IQCH: variants seen among roughly 807,000 people sequenced by gnomAD.
IQCH encodes IQ motif containing H, also known as IQ domain-containing protein H.
A neutral mutation model predicts 117.0 loss-of-function variants in IQCH; 98 were observed. The ratio of observed to expected loss-of-function variants is 0.84; its 90% CI spans 0.71 to 0.99. The LOEUF (loss-of-function observed/expected upper bound fraction) is 0.99, where lower values mean the gene tolerates loss of function less well. IQCH is among the 50% of genes least tolerant of loss of function. IQCH has a pLI of 0.00. For synonymous variants in IQCH, 412 were observed against 448.2 expected, an observed-to-expected ratio of 0.92 and a Z score of 1.02; for missense variants, 1,102 against 1,243.8, an observed-to-expected ratio of 0.89 and a Z score of 1.72.
intron 5 of IQCH, among the ~76,000 whole-genome samples, chr15:67,341,369 A>G (rs1457169834): frequency 1.3e-5 from 2 of 152,236 alleles, no homozygotes; most frequent in African/African-American, 4.8e-5. Context: ...AACAAACTGT[A>G]TTCTCTATAA....
At position 67,433,417 on chromosome 15, in the gene IQCH, C is replaced by A. The variant is rs1419915241; in HGVS notation, c.2505+11840C>A. Among the ~76,000 whole-genome samples the A allele has an allele frequency of 2.0e-5, 3 of 152,142 alleles. No homozygotes were observed. In the East Asian group the frequency reaches 5.8e-4, roughly 29 times the overall value. On this transcript the variant is annotated intron_variant, in intron 16 of 20. Transcript: ENST00000335894. This position sits in a 1 kb window ranked among gnomAD's most constrained non-coding sequence, Gnocchi z 5.4. ...TGACTGTCCTTAAATGTTTGGTTAA[C>A]CCCCCTTACACTGTAAACCTTCACA... is the stretch of plus-strand genomic sequence containing the variant.
intron 4 of IQCH, among the ~76,000 whole-genome samples, chr15:67,314,119 C>T (rs1254826053): frequency 6.6e-6 from 1 of 152,090 alleles, no homozygotes; most frequent in African/African-American, 2.4e-5. Flanking sequence ...TGCTGTATGC[C>T]CCACTACTAC....
rs1309566156 is a variant in IQCH at position 67,456,536 on chromosome 15, T to C, written c.2506-8591T>C. 2.0e-5 allele frequency among the ~76,000 whole-genome samples: 3 copies of C among 152,196 alleles called. No individual in the cohort carries two copies. The East Asian group carries it at 5.8e-4, about 29-fold the overall frequency. On this transcript the variant is annotated intron_variant, in intron 16 of 20. Transcript: ENST00000335894. This position sits in a 1 kb window ranked among gnomAD's most constrained non-coding sequence, Gnocchi z 5.1. ...CCTAAGCCCTGAGTATTTTTAGTTT[T>C]AGAGATTCCATCCTACATCGTATCA...
rs143533687 is a variant in IQCH, at chr15:67,364,379, C to A, written c.753+4494C>A. ...CTATGCGTTTTCATCATTAAACTTT[C>A]CAAATGAATTGAAATTATATAGTTT... On this transcript the variant is annotated intron_variant, in intron 8 of 20. Coordinates refer to ENST00000335894, the MANE Select transcript of IQCH (RefSeq NM_001031715.3). The surrounding 1 kb of genome is among the most constrained non-coding windows in gnomAD (Gnocchi z 4.1). Among the ~76,000 whole-genome samples, 2 of 152,166 alleles carry A rather than the reference C, an allele frequency of 1.3e-5. No homozygotes were observed. The highest frequency in any genetic ancestry group is 4.8e-5 in the African/African-American group (2 of 41,504).
chr15:67,272,353 A>C (rs1965932474), intron 3 of IQCH, among the ~76,000 whole-genome samples: 1 of 152,182 alleles, frequency 6.6e-6, no homozygotes, highest in South Asian at 2.1e-4. Flanking sequence ...AATGTTCTCT[A>C]TTCTGGAGAA....
chr15:67,321,330 C>T (rs1968107389), intron 4 of IQCH, among the ~76,000 whole-genome samples: 1 of 152,002 alleles, frequency 6.6e-6, no homozygotes, highest in Non-Finnish European at 1.5e-5. Flanking sequence ...GTTCACAATC[C>T]CCCTTGTCAC....
chr15:67,372,124 A>G lies in IQCH; in HGVS notation c.767A>G (p.Lys256Arg), dbSNP rs775124649. Residue 256 changes from lysine to arginine, a missense_variant, in exon 9 of 21, where the codon AAA becomes AGA. By Grantham distance (26) the Lys-to-Arg change is conservative (BLOSUM62 2). Transcript: ENST00000335894. ...TTTTTTCCACAGGCCATGAAAGTCA[A>G]AACACCTTTGAGAGCCCTGAAATCA... ...GHHDRKAMKVKTPLRALKSLW... is the reference protein window; with the variant it reads ...GHHDRKAMKVRTPLRALKSLW... The G allele has an allele frequency of 1.9e-6, 3 of 1,602,584 alleles. No homozygotes were observed. The African/African-American group carries it at 4.1e-5, about 22-fold the overall frequency.
chr15:67,271,085 C>T (rs1308633104), intron 3 of IQCH, among the ~76,000 whole-genome samples: 2 of 152,202 alleles, frequency 1.3e-5, no homozygotes, highest in African/African-American at 4.8e-5. Context: ...TCTCCTGCCT[C>T]AGCCTCCCAA....
rs750409200 is a variant in IQCH, at chr15:67,465,180, A to G, written c.2559A>G (p.Gln853=). 7 of 1,613,958 alleles carry G rather than the reference A, an allele frequency of 4.3e-6. No individual in the cohort carries two copies. The South Asian group carries it at 4.4e-5, about 10-fold the overall frequency. The part of the protein sequence containing the change: ...LAYSDQLALT[Q]LTLYLTNGHL... ...ATAGTGACCAGCTGGCCCTGACTCAACTCACCTTATACCTGACAAACGGCC... is the reference window on the plus strand; with the variant it reads ...ATAGTGACCAGCTGGCCCTGACTCAGCTCACCTTATACCTGACAAACGGCC... The change falls in exon 17 of 21, where the codon CAA becomes CAG. Residue 853 remains glutamine, a synonymous_variant. Coordinates refer to ENST00000335894, the MANE Select transcript of IQCH (RefSeq NM_001031715.3). This position sits in a 1 kb window ranked among gnomAD's most constrained non-coding sequence, Gnocchi z 5.9.
intron 8 of IQCH, among the ~76,000 whole-genome samples, chr15:67,362,788 C>T (rs1970190504): frequency 6.6e-6 from 1 of 152,196 alleles, no homozygotes; most frequent in South Asian, 2.1e-4. Flanking sequence ...TCTATTTTAC[C>T]TCTTTGCTAT....
chr15:67,455,866 C>A (rs1388323698), intron 16 of IQCH, among the ~76,000 whole-genome samples: 2 of 152,158 alleles, frequency 1.3e-5, no homozygotes, highest in African/African-American at 2.4e-5. Flanking sequence ...GGCGCATATA[C>A]AATTACTAGT....
chr15:67,449,239 T>C (rs925933902), intron 16 of IQCH, among the ~76,000 whole-genome samples: 1 of 152,220 alleles, frequency 6.6e-6, no homozygotes, highest in African/African-American at 2.4e-5. Context: ...TTAGATCCCA[T>C]TTGTCAATTT....
Position 67,426,079 on chromosome 15 carries a change from C to A in IQCH, c.2505+4502C>A, listed in dbSNP as rs1425301346. Among the ~76,000 whole-genome samples, 1 of 152,158 alleles carries A rather than the reference C, an allele frequency of 6.6e-6. No homozygotes were observed. Among genetic ancestry groups the A allele is most frequent in the African/African-American group, 2.4e-5 (1 of 41,412 alleles). ...TTCTGACACAATAAGATGTTCCAGGCTCATTTTCTATTTTCCTTGCCCTGG... is the reference window on the plus strand; with the variant it reads ...TTCTGACACAATAAGATGTTCCAGGATCATTTTCTATTTTCCTTGCCCTGG... On this transcript the variant is annotated intron_variant, in intron 16 of 20. Coordinates refer to ENST00000335894, the MANE Select transcript of IQCH (RefSeq NM_001031715.3). This position sits in a 1 kb window ranked among gnomAD's most constrained non-coding sequence, Gnocchi z 5.1.
At chr15:67,332,823 A>G (rs1343545130) in intron 4 of IQCH, among the ~76,000 whole-genome samples, 1 of 152,254 alleles carries the variant, frequency 6.6e-6, no homozygotes, top group East Asian at 1.9e-4. Context: ...CTTTAACTCT[A>G]GAGCAGGGGT....
chr15:67,267,533 C>T (rs1034812769), intron 3 of IQCH, among the ~76,000 whole-genome samples: 2 of 152,176 alleles, frequency 1.3e-5, no homozygotes, highest in African/African-American at 4.8e-5. Flanking sequence ...TTGCTATGAA[C>T]GATTGGAGTG....
intron 4 of IQCH, among the ~76,000 whole-genome samples, chr15:67,286,676 T>G (rs1393945914): frequency 6.6e-6 from 1 of 152,044 alleles, no homozygotes; most frequent in Admixed American, 6.6e-5. Context: ...ATGGTGCAGT[T>G]CGGGCTTACT....
intron 1 of IQCH, among the ~76,000 whole-genome samples, chr15:67,256,736 A>G (rs1275937047): frequency 6.6e-6 from 1 of 152,216 alleles, no homozygotes; most frequent in Non-Finnish European, 1.5e-5. Context: ...CTGACTTGTG[A>G]GATGGGTCAG....
chr15:67,417,268 G>A lies in IQCH; in HGVS notation c.2218+217G>A, dbSNP rs2140908767. Among the ~76,000 whole-genome samples the A allele has an allele frequency of 6.6e-6, 1 of 152,306 alleles. No homozygotes were observed. Among genetic ancestry groups the A allele is most frequent in the Non-Finnish European group, 1.5e-5 (1 of 68,026 alleles). On this transcript the variant is annotated intron_variant, in intron 15 of 20. Transcript: ENST00000335894. The surrounding 1 kb of genome is among the most constrained non-coding windows in gnomAD (Gnocchi z 4.3). ...TAGCATGCCAAGCATGGCATGGGAA[G>A]CTCAAGATTCTGGGCCTTTTTTTAC...
rs756590925 is a variant in IQCH, at chr15:67,336,925, T to C, written c.388-50T>C. ...TTTATTGTTTACAAGAAGAAAACTG[T>C]TCACTGTGAAGGCAAAAATGTTTGC... is the stretch of plus-strand genomic sequence containing the variant. On this transcript the variant is annotated intron_variant, in intron 4 of 20. Transcript: ENST00000335894. The C allele has an allele frequency of 3.1e-6, 5 of 1,593,642 alleles. No homozygotes were observed. The East Asian group carries it at 9.0e-5, about 29-fold the overall frequency.
Sources: allele counts gnomAD v4.1 joint callset (sites outside exome capture counted in the v4.1 genomes callset), GRCh38; gene constraint gnomAD v4.1.1; non-coding constraint Gnocchi (gnomAD v3.1); transcripts MANE v1.5; gene names NCBI Gene and HGNC (gene_info 2026-07-23, HGNC 2026-07-21).